The following SCAMP1 variants were observed in gnomAD, a reference collection of about 807,000 sequenced individuals.
SCAMP1 encodes secretory carrier membrane protein 1, also known as secretory carrier-associated membrane protein 1.
SCAMP1 carries 15 observed loss-of-function variants against 41.8 expected under a neutral mutation model. That is an observed-to-expected ratio of 0.36 (90% CI 0.24 to 0.55). The LOEUF (loss-of-function observed/expected upper bound fraction) is 0.55, where lower values mean the gene tolerates loss of function less well. Among genes scored for constraint, SCAMP1 ranks in the 20% least tolerant of loss-of-function variants. The probability of loss-of-function intolerance (pLI) is 0.86; values close to 1 mark genes in which losing one functional copy is unlikely to be tolerated. For synonymous variants in SCAMP1, 135 were observed against 136.8 expected (o/e 0.99, Z 0.09); for missense variants, 341 against 412.6 (o/e 0.83, Z 1.50).
chr5:78,408,642 C>G (rs545399439), intron 2 of SCAMP1, among the ~76,000 whole-genome samples: 20 of 152,192 alleles, frequency 1.3e-4, no homozygotes, highest in Non-Finnish European at 2.4e-4. Context: ...GCTCTGTTGC[C>G]TAGGCTGGAG....
At chr5:78,409,415 A>C (rs1408784560) in intron 2 of SCAMP1, among the ~76,000 whole-genome samples, 3 of 79,398 alleles carry the variant, frequency 3.8e-5, no homozygotes, top group Non-Finnish European at 7.6e-5. Flanking sequence ...ACAGAGACAC[A>C]TATAGATACA....
intron 8 of SCAMP1, among the ~76,000 whole-genome samples, chr5:78,473,659 A>G (rs1211676754): frequency 6.6e-6 from 1 of 152,038 alleles, no homozygotes. Context: ...CCCAATATCT[A>G]TCGTTGCCAT....
chr5:78,364,821 G>T (rs1750751987), intron 1 of SCAMP1, among the ~76,000 whole-genome samples: 1 of 148,230 alleles, frequency 6.7e-6, no homozygotes, highest in South Asian at 2.1e-4. Flanking sequence ...ACTCATAGGT[G>T]GGAATTGAAT....
At chr5:78,396,092 A>G (rs112847697) in intron 2 of SCAMP1, among the ~76,000 whole-genome samples, 2,882 of 152,288 alleles carry the variant, frequency 0.019, 36 homozygotes, top group Middle Eastern at 0.051. Context: ...TAGAACCCCC[A>G]GAATACCTAT....
intron 6 of SCAMP1, among the ~76,000 whole-genome samples, chr5:78,443,602 C>T (rs1331541026): frequency 4.9e-5 from 7 of 143,376 alleles, no homozygotes; most frequent in Admixed American, 2.8e-4. Context: ...AGTTCAGAGT[C>T]TCTTTCATTC....
intron 1 of SCAMP1, among the ~76,000 whole-genome samples, chr5:78,361,286 C>T (rs374588594): frequency 6.6e-6 from 1 of 151,980 alleles, no homozygotes; most frequent in Non-Finnish European, 1.5e-5. Flanking sequence ...CACCCAAATA[C>T]CACCAGTGGC....
chr5:78,446,635 T>G (rs1195750164), intron 6 of SCAMP1, among the ~76,000 whole-genome samples: 1 of 152,160 alleles, frequency 6.6e-6, no homozygotes. Context: ...TTCTATAGTA[T>G]CCCTGGAGAT....
At chr5:78,473,198 G>A (rs1343100965) in intron 8 of SCAMP1, among the ~76,000 whole-genome samples, 1 of 152,110 alleles carries the variant, frequency 6.6e-6, no homozygotes, top group Non-Finnish European at 1.5e-5. Flanking sequence ...TTTTCTTCCT[G>A]ACCATTTGAC....
At position 78,407,864 on chromosome 5, in the gene SCAMP1, C is replaced by T. The variant is rs1751972603; in HGVS notation, c.136-7656C>T. Reference sequence around the variant, plus strand: ...CTAGAATTTCATTTAAGAAGCTGGCCAATTCTGATAGTCTCTTGTTAGTCA... The same window carrying T: ...CTAGAATTTCATTTAAGAAGCTGGCTAATTCTGATAGTCTCTTGTTAGTCA... On this transcript the variant is annotated intron_variant, in intron 2 of 8. Coordinates refer to ENST00000621999, the MANE Select transcript of SCAMP1 (RefSeq NM_004866.6). Among the ~76,000 whole-genome samples the T allele has an allele frequency of 2.0e-5, 3 of 152,040 alleles. No individual in the cohort carries two copies. The South Asian group carries it at 6.2e-4, about 32-fold the overall frequency.
At chr5:78,420,078 CAG>C (rs1236298713) in intron 5 of SCAMP1, among the ~76,000 whole-genome samples, 3 of 151,978 alleles carry the variant, frequency 2.0e-5, no homozygotes, top group African/African-American at 7.2e-5. Context: ...TATTTTGAGA[CAG>C]AGTCTTGCTT....
At chr5:78,410,881 A>G (rs570685499) in intron 2 of SCAMP1, among the ~76,000 whole-genome samples, 44 of 151,690 alleles carry the variant, frequency 2.9e-4, no homozygotes, top group African/African-American at 1.0e-3. Context: ...TTTGATTTGC[A>G]TTTTTCTAAT....
intron 8 of SCAMP1, among the ~76,000 whole-genome samples, chr5:78,460,820 C>CCTTCCTTCCTT (rs1580715544): frequency 3.5e-5 from 1 of 28,172 alleles, no homozygotes; most frequent in African/African-American, 8.5e-5. Context: ...TTCCTTCCTT[C>CCTTCCTTCCTT]CTTTCTTGTC....
intron 2 of SCAMP1, among the ~76,000 whole-genome samples, chr5:78,414,369 G>A (rs1293311244): frequency 2.6e-5 from 4 of 151,692 alleles, no homozygotes; most frequent in African/African-American, 7.3e-5. Context: ...TGCAACCTCC[G>A]CCTCCCGGGT....
intron 6 of SCAMP1, among the ~76,000 whole-genome samples, chr5:78,438,775 C>T (rs957379890): frequency 6.6e-6 from 1 of 152,118 alleles, no homozygotes; most frequent in Non-Finnish European, 1.5e-5. Context: ...TCCTTGTTAA[C>T]CTTCTGTCTT....
chr5:78,438,026 T>C (rs1752806545), intron 6 of SCAMP1, among the ~76,000 whole-genome samples: 1 of 152,220 alleles, frequency 6.6e-6, no homozygotes, highest in South Asian at 2.1e-4. Flanking sequence ...TATTCTCTGA[T>C]GGTAGTTTGT....
rs138260792 is a variant in SCAMP1, at chr5:78,438,639, T to C, written c.633-11294T>C. Among the ~76,000 whole-genome samples the C allele has an allele frequency of 5.5e-3, 844 of 152,326 alleles. 5 individuals are homozygous for C. The highest frequency in any genetic ancestry group is 0.032 in the South Asian group (153 of 4,830). On this transcript the variant is annotated intron_variant, in intron 6 of 8. Transcript: ENST00000621999. ...GAGGAGTGCTTTACTTCCAATTCTG[T>C]GGTCAATTTTAGAATATGTGCAATG...
intron 1 of SCAMP1, among the ~76,000 whole-genome samples, chr5:78,371,310 A>G (rs1423161309): frequency 1.3e-5 from 2 of 152,112 alleles, no homozygotes; most frequent in African/African-American, 2.4e-5. Flanking sequence ...ATTTAGGTCT[A>G]TGATTCATTT....
intron 2 of SCAMP1, among the ~76,000 whole-genome samples, chr5:78,401,217 A>G (rs1355299001): frequency 6.6e-6 from 1 of 152,124 alleles, no homozygotes; most frequent in Non-Finnish European, 1.5e-5. Context: ...GATTCGTTTC[A>G]TATATGGTTG....
chr5:78,454,821 T>C (rs1014989050), intron 7 of SCAMP1, among the ~76,000 whole-genome samples: 10 of 152,224 alleles, frequency 6.6e-5, no homozygotes, highest in African/African-American at 2.4e-4. Context: ...CCTGGACTCT[T>C]TTTGGTTGGT....
Sources: allele counts gnomAD v4.1 joint callset (sites outside exome capture counted in the v4.1 genomes callset), GRCh38; gene constraint gnomAD v4.1.1; transcripts MANE v1.5; gene names NCBI Gene and HGNC (gene_info 2026-07-23, HGNC 2026-07-21).